DTNB: variants seen among roughly 807,000 people sequenced by gnomAD.
DTNB encodes dystrobrevin beta, also known as DTN-B.
A neutral mutation model predicts 90.7 loss-of-function variants in DTNB; 63 were observed. The observed-to-expected ratio is 0.69, with a 90% CI of 0.57 to 0.86. The LOEUF is 0.86. DTNB is among the 40% of genes least tolerant of loss of function. The pLI, the probability that DTNB is intolerant of heterozygous loss-of-function variation, is 0.00. For missense variants in DTNB, 744 were observed against 807.1 expected (o/e 0.92, Z 0.95); for synonymous variants, 277 against 286.7 (o/e 0.97, Z 0.34).
intron 9 of DTNB, among the ~76,000 whole-genome samples, chr2:25,504,502 G>C (rs955444900): frequency 1.3e-5 from 2 of 148,492 alleles, no homozygotes; most frequent in African/African-American, 2.5e-5. Context: ...AAGAAGGAAA[G>C]AAGGAAAGGC....
At chr2:25,466,578 G>A (rs116138858) in intron 10 of DTNB, among the ~76,000 whole-genome samples, 8 of 152,318 alleles carry the variant, frequency 5.3e-5, no homozygotes, top group Non-Finnish European at 1.2e-4. Context: ...TCAGCCAGGC[G>A]AGTGCTGCGC....
At chr2:25,457,270 A>G (rs2060193838) in intron 10 of DTNB, among the ~76,000 whole-genome samples, 1 of 152,142 alleles carries the variant, frequency 6.6e-6, no homozygotes. Flanking sequence ...TTGGCCTCCC[A>G]GTGTGCTGAG....
chr2:25,552,884 C>T (rs1462792269), intron 8 of DTNB, among the ~76,000 whole-genome samples: 2 of 116,110 alleles, frequency 1.7e-5, no homozygotes, highest in Non-Finnish European at 3.3e-5. Context: ...GACGGAGTCT[C>T]GCTCTGTCGC....
chr2:25,639,876 T>C (rs968949789), intron 2 of DTNB, among the ~76,000 whole-genome samples: 2 of 152,220 alleles, frequency 1.3e-5, no homozygotes, highest in African/African-American at 4.8e-5. Context: ...CCCAGACTGA[T>C]GTGGAGAGGC....
At chr2:25,648,613 T>A (rs1559379492) in intron 2 of DTNB, among the ~76,000 whole-genome samples, 2 of 152,144 alleles carry the variant, frequency 1.3e-5, no homozygotes, top group Non-Finnish European at 2.9e-5. Flanking sequence ...TAAATTATTA[T>A]GACTGCTTTT....
intron 16 of DTNB, among the ~76,000 whole-genome samples, chr2:25,395,936 G>C (rs114617301): frequency 0.016 from 2,441 of 152,200 alleles, 68 homozygotes; most frequent in African/African-American, 0.053. Flanking sequence ...TACATATAAG[G>C]AGCTGTAATT....
chr2:25,458,102 G>C (rs1203139607), intron 10 of DTNB, among the ~76,000 whole-genome samples: 2 of 152,008 alleles, frequency 1.3e-5, no homozygotes, highest in African/African-American at 2.4e-5. Flanking sequence ...CAAAGTGCTG[G>C]GATTACAGGT....
At chr2:25,612,686 G>T (rs116910522) in intron 4 of DTNB, among the ~76,000 whole-genome samples, 1,746 of 151,964 alleles carry the variant, frequency 0.011, 63 homozygotes, top group East Asian at 0.092. Flanking sequence ...TTGCCAGACT[G>T]ACTAAGAAAA....
In DTNB at chr2:25,451,549, A is replaced by G. The variant is rs2059285542; in HGVS notation, c.1256T>C (p.Val419Ala). ...AARLAAEAGN[V>A]TRPPTDLSFN... ...TCCTGGGATCCTCCATTAACTTACC[A>G]CGTTTCCTGCTTCTGCAGCCAGCCG... is the stretch of plus-strand genomic sequence containing the variant. Residue 419 changes from valine to alanine, a missense_variant and splice_region_variant, in exon 12 of 21, where the codon GTG becomes GCG. Physicochemically the swap from Val to Ala is moderately conservative, Grantham distance 64. Coordinates refer to ENST00000406818, the MANE Select transcript of DTNB (RefSeq NM_021907.5). 6.2e-7 allele frequency: 1 copy of G among 1,605,766 alleles called. No homozygotes were observed. The highest frequency in any genetic ancestry group is 1.7e-5 in the Admixed American group (1 of 58,936).
chr2:25,535,004 G>A (rs879211011), intron 8 of DTNB, among the ~76,000 whole-genome samples: 54 of 145,434 alleles, frequency 3.7e-4, no homozygotes, highest in African/African-American at 5.9e-4. Flanking sequence ...AAGAGCGGCC[G>A]GGCAGAGGCG....
chr2:25,504,905 G>A (rs542662015), intron 9 of DTNB, among the ~76,000 whole-genome samples: 12 of 148,126 alleles, frequency 8.1e-5, no homozygotes, highest in South Asian at 2.1e-4. Context: ...CCCAAAAAGC[G>A]TCTTCCAAAA....
intron 8 of DTNB, among the ~76,000 whole-genome samples, chr2:25,535,406 C>A (rs1424563189): frequency 1.4e-5 from 2 of 146,068 alleles, no homozygotes; most frequent in African/African-American, 2.6e-5. Context: ...GTGCTCCTCA[C>A]CTCCCAGAGG....
At chr2:25,377,956 G>C (rs1296683452) in intron 20 of DTNB, among the ~76,000 whole-genome samples, 1 of 152,138 alleles carries the variant, frequency 6.6e-6, no homozygotes, top group East Asian at 1.9e-4. Flanking sequence ...TTTAACTCTC[G>C]GCTGTTGGTG....
chr2:25,437,752 T>G (rs1229396291), intron 12 of DTNB, among the ~76,000 whole-genome samples: 3 of 152,142 alleles, frequency 2.0e-5, no homozygotes, highest in African/African-American at 7.2e-5. Context: ...ATGAAGATGA[T>G]TTCTTTCAAA....
At chr2:25,566,211 G>A (rs1016700976) in intron 8 of DTNB, among the ~76,000 whole-genome samples, 4 of 152,190 alleles carry the variant, frequency 2.6e-5, no homozygotes, top group African/African-American at 9.6e-5. Flanking sequence ...AAAAGAAACT[G>A]TAGGCAGCCT....
intron 4 of DTNB, among the ~76,000 whole-genome samples, chr2:25,627,776 G>A (rs559526653): frequency 3.7e-4 from 53 of 144,002 alleles, no homozygotes; most frequent in Middle Eastern, 3.6e-3. Flanking sequence ...TCGCTCTGTC[G>A]CCCAGGCTGG....
intron 12 of DTNB, among the ~76,000 whole-genome samples, chr2:25,442,027 G>A (rs1002352283): frequency 2.0e-5 from 3 of 151,998 alleles, no homozygotes; most frequent in African/African-American, 7.3e-5. Context: ...AAAACTTCAG[G>A]GTTCAGATTT....
intron 2 of DTNB, among the ~76,000 whole-genome samples, chr2:25,652,212 T>C (rs1345424847): frequency 6.6e-6 from 1 of 152,168 alleles, no homozygotes; most frequent in Admixed American, 6.5e-5. Context: ...TAACACTGAG[T>C]CCTCTCTGTC....
intron 10 of DTNB, among the ~76,000 whole-genome samples, chr2:25,478,420 G>T (rs886952589): frequency 6.6e-6 from 1 of 152,188 alleles, no homozygotes; most frequent in Non-Finnish European, 1.5e-5. Flanking sequence ...GTACGGGAAG[G>T]CTTGTGTGTG....
Sources: allele counts gnomAD v4.1 joint callset (sites outside exome capture counted in the v4.1 genomes callset), GRCh38; gene constraint gnomAD v4.1.1; transcripts MANE v1.5; gene names NCBI Gene and HGNC (gene_info 2026-07-23, HGNC 2026-07-21).